The following ZNF573 variants were observed in gnomAD, a reference collection of about 807,000 sequenced individuals.
ZNF573 encodes the protein zinc finger protein 573.
In ZNF573, 41 loss-of-function variants were observed where a neutral mutation model predicts 57.4. That is an observed-to-expected ratio of 0.71 (90% CI 0.56 to 0.93). The LOEUF (loss-of-function observed/expected upper bound fraction) is 0.93, where lower values mean the gene tolerates loss of function less well. ZNF573 is among the 40% of genes least tolerant of loss of function. ZNF573 has a pLI of 0.00. For missense variants in ZNF573, 730 were observed against 794.8 expected, an observed-to-expected ratio of 0.92 and a Z score of 0.98; for synonymous variants, 249 against 261.0, an observed-to-expected ratio of 0.95 and a Z score of 0.44.
intron 1 of ZNF573, among the ~76,000 whole-genome samples, chr19:37,774,866 A>G (rs1345389197): frequency 1.3e-5 from 2 of 152,158 alleles, no homozygotes; most frequent in Non-Finnish European, 2.9e-5. Flanking sequence ...TATATTTCAT[A>G]ATCATTTTAA....
intron 1 of ZNF573, among the ~76,000 whole-genome samples, chr19:37,776,839 A>G (rs1568425999): frequency 6.6e-6 from 1 of 152,220 alleles, no homozygotes; most frequent in African/African-American, 2.4e-5. Context: ...TGAATAGACA[A>G]TTCTCAAAAG....
In ZNF573 at chr19:37,744,735, T is replaced by C. The variant is rs1182914300; in HGVS notation, c.296-4541A>G. ...CAGCCCAGGCAACAGAGCAAGACCC[T>C]ATCTCAAAAAAAAAAAAAAAAGAAA... On this transcript the variant is annotated intron_variant, in intron 4 of 4. Transcript: ENST00000536220. Among the ~76,000 whole-genome samples, 11 of 102,544 alleles carry C rather than the reference T, an allele frequency of 1.1e-4. No homozygotes were observed. The Admixed American group carries it at 1.4e-3, about 13-fold the overall frequency. 67.3% of individuals were successfully genotyped at this position (102,544 alleles called of 152,430 possible). A position where few individuals can be genotyped will look rare whatever the true frequency, so the allele number is the denominator to read the frequency against.
intron 4 of ZNF573, among the ~76,000 whole-genome samples, chr19:37,767,120 C>T (rs183789247): frequency 6.6e-6 from 1 of 152,306 alleles, no homozygotes; most frequent in East Asian, 1.9e-4. Context: ...CGTTGTGCAA[C>T]CTTCTCGGAC....
chr19:37,765,259 C>T (rs1470063808), intron 4 of ZNF573, among the ~76,000 whole-genome samples: 2 of 152,072 alleles, frequency 1.3e-5, no homozygotes, highest in Non-Finnish European at 2.9e-5. Flanking sequence ...GAAAAATGGG[C>T]ACTTCTAGAG....
In ZNF573 at chr19:37,770,033, C is replaced by T; in HGVS notation, c.267G>A (p.Met89Ile). The T allele has an allele frequency of 6.4e-7, 1 of 1,552,018 alleles. No individual in the cohort carries two copies. Among genetic ancestry groups the T allele is most frequent in the African/African-American group, 1.4e-5 (1 of 73,170 alleles). Residue 89 changes from methionine (M) to isoleucine (I), a missense_variant, in exon 4 of 5, where the codon ATG (methionine) becomes ATA (isoleucine). Met to Ile is a conservative substitution (Grantham distance 10). Transcript: ENST00000536220. ...TGAACTGTGTTTCTTCCCTCAAAAT[C>T]ATCCAGGGCTCTTTTCCTCGCTCCA... ...DLLERGKEPW[M>I]ILREETQFTD...
At chr19:37,774,607 G>A (rs1319329510) in intron 1 of ZNF573, among the ~76,000 whole-genome samples, 1 of 152,162 alleles carries the variant, frequency 6.6e-6, no homozygotes, top group African/African-American at 2.4e-5. Context: ...GCTATCAGAT[G>A]CTAAGTAGGG....
At chr19:37,765,642 G>A (rs1283802289) in intron 4 of ZNF573, among the ~76,000 whole-genome samples, 1 of 152,090 alleles carries the variant, frequency 6.6e-6, no homozygotes, top group African/African-American at 2.4e-5. Flanking sequence ...CCTGGGAGAC[G>A]GAGGTTGCAG....
At chr19:37,754,990 G>A (rs2045473845) in intron 4 of ZNF573, among the ~76,000 whole-genome samples, 1 of 151,784 alleles carries the variant, frequency 6.6e-6, no homozygotes, top group Non-Finnish European at 1.5e-5. Flanking sequence ...TTTTTTTTGA[G>A]ACAGAGTCTC....
At chr19:37,754,934 TAAAG>T (rs1259569500) in intron 4 of ZNF573, among the ~76,000 whole-genome samples, 1 of 152,004 alleles carries the variant, frequency 6.6e-6, no homozygotes, top group Non-Finnish European at 1.5e-5. Context: ...TAATTAGAGG[TAAAG>T]AATAACAGTC....
intron 2 of ZNF573, 131 bp from the exon 3 acceptor site, chr19:37,771,827 G>A (rs1042609454): frequency 1.3e-5 from 11 of 856,360 alleles, no homozygotes; most frequent in South Asian, 9.3e-5. Flanking sequence ...CTAAAGCAAC[G>A]TGTCTACATA....
intron 4 of ZNF573, among the ~76,000 whole-genome samples, chr19:37,745,308 G>A (rs560717308): frequency 1.3e-5 from 2 of 151,774 alleles, no homozygotes; most frequent in African/African-American, 2.4e-5. Flanking sequence ...AACTCCTGGC[G>A]CCAAGTGATT....
chr19:37,752,526 C>T (rs2045448168), intron 4 of ZNF573, among the ~76,000 whole-genome samples: 2 of 152,138 alleles, frequency 1.3e-5, no homozygotes, highest in South Asian at 4.1e-4. Flanking sequence ...TTGCTTGATT[C>T]CTTTTTTATA....
chr19:37,773,067 T>G (rs1273007315), intron 2 of ZNF573: 7 of 712,522 alleles, frequency 9.8e-6, no homozygotes, highest in Non-Finnish European at 1.0e-5. Flanking sequence ...TGTTCCAGAA[T>G]GGATACTGAT....
At chr19:37,770,658 A>G (rs2045647546) in intron 3 of ZNF573, 1 of 148,854 alleles carries the variant, frequency 6.7e-6, no homozygotes, top group South Asian at 2.1e-4. Flanking sequence ...AGTCCCAACT[A>G]CTAAGGAGGC....
At chr19:37,746,237 G>T (rs1037206120) in intron 4 of ZNF573, among the ~76,000 whole-genome samples, 1 of 152,094 alleles carries the variant, frequency 6.6e-6, no homozygotes, top group African/African-American at 2.4e-5. Flanking sequence ...AAATTATAAG[G>T]CCATACACTA....
Position 37,739,846 on chromosome 19 carries a change from T to C in ZNF573, c.644A>G (p.Glu215Gly). ...LTVHQRFHTG[E>G]KTYECRQCGK... ...ACACTGCCTACATTCATAGGTTTTC[T>C]CACCAGTATGAAATCTCTGATGCAC... The change falls in exon 5 of 5, where the codon GAG (glutamate) becomes GGG (glycine). Residue 215 changes from glutamate (E) to glycine (G), a missense_variant. Transcript: ENST00000536220. 6.2e-7 allele frequency: 1 copy of C among 1,613,968 alleles called. No homozygotes were observed. The highest frequency in any genetic ancestry group is 8.5e-7 in the Non-Finnish European group (1 of 1,179,892).
rs139035908 is a variant in ZNF573 at position 37,739,770 on chromosome 19, G to A, written c.720C>T (p.His240=). 8.1e-6 allele frequency: 13 copies of A among 1,613,866 alleles called. No homozygotes were observed. In the African/African-American group the frequency reaches 1.7e-4, roughly 22 times the overall value. The change falls in exon 5 of 5, where the codon CAC becomes CAT. Residue 240 remains histidine (H), a synonymous_variant. Coordinates refer to ENST00000536220, the MANE Select transcript of ZNF573 (RefSeq NM_001172690.2). ...ASHIVQHERI[H]TGGKPYECQE... ...GACATTCATACGGCTTCCCACCAGT[G>A]TGAATTCTCTCATGTTGAACAATGT...
chr19:37,747,832 G>A (rs1038215257), intron 4 of ZNF573, among the ~76,000 whole-genome samples: 13 of 152,010 alleles, frequency 8.6e-5, no homozygotes, highest in African/African-American at 2.9e-4. Flanking sequence ...GACTACAGGC[G>A]CCTGACACCA....
Position 37,738,718 on chromosome 19 carries a change from A to G in ZNF573, c.1772T>C (p.Phe591Ser), listed in dbSNP as rs2045286706. Residue 591 changes from phenylalanine to serine, a missense_variant, in exon 5 of 5, where the codon TTT becomes TCT. Phe to Ser is a radical substitution (Grantham distance 155). Transcript: ENST00000536220. Reference sequence around the variant, plus strand: ...TTGGGTAAGGTAGCCATACATTTTAAAGGCCTTTCCACATTCTTTACATTC... The same window carrying G: ...TTGGGTAAGGTAGCCATACATTTTAGAGGCCTTTCCACATTCTTTACATTC... Reference protein sequence around the residue: ...PYECKECGKAFKMYGYLTQHQ... With the variant: ...PYECKECGKASKMYGYLTQHQ... 6.2e-7 allele frequency: 1 copy of G among 1,612,996 alleles called. No homozygotes were observed. Among genetic ancestry groups the G allele is most frequent in the Non-Finnish European group, 8.5e-7 (1 of 1,179,716 alleles).
Sources: allele counts gnomAD v4.1 joint callset (sites outside exome capture counted in the v4.1 genomes callset), GRCh38; gene constraint gnomAD v4.1.1; transcripts MANE v1.5; gene names NCBI Gene and HGNC (gene_info 2026-07-23, HGNC 2026-07-21).